The following PSD2 variants were observed in gnomAD, a reference collection of about 807,000 sequenced individuals.
PSD2 encodes pleckstrin and Sec7 domain containing 2, also known as PH and SEC7 domain-containing protein 2.
In PSD2, 38 loss-of-function variants were observed where a neutral mutation model predicts 69.8. That is an observed-to-expected ratio of 0.54 (90% CI 0.42 to 0.71). The LOEUF is 0.71. Ranked by LOEUF, PSD2 falls within the 30% of genes least tolerant of loss-of-function variation. The pLI, the probability that PSD2 is intolerant of heterozygous loss-of-function variation, is 0.00. For missense variants in PSD2, 943 were observed against 1,014.5 expected, an observed-to-expected ratio of 0.93 and a Z score of 0.96; for synonymous variants, 412 against 423.0, an observed-to-expected ratio of 0.97 and a Z score of 0.32.
rs751266842 is a variant in PSD2 at position 139,837,903 on chromosome 5, C to T, written c.1823+121C>T. The T allele has an allele frequency of 3.3e-5, 31 of 952,284 alleles. No individual in the cohort carries two copies. Among genetic ancestry groups the T allele is most frequent in the Non-Finnish European group, 4.2e-5 (27 of 649,264 alleles). The allele number at this position is 952,284 out of a possible 1,614,324, so 59.0% of individuals were successfully genotyped here. A position where few individuals can be genotyped will look rare whatever the true frequency, so the allele number is the denominator to read the frequency against. ...GCATGTGTATCCACATGACACAGAC[C>T]GACAGCTGGGTCCCTCCAAAGCAGT... On this transcript the variant is annotated intron_variant, in intron 12 of 14. Coordinates refer to ENST00000274710, the MANE Select transcript of PSD2 (RefSeq NM_032289.4). The surrounding 1 kb of genome is among the most constrained non-coding windows in gnomAD (Gnocchi z 5.0).
At chr5:139,760,702 T>A in the PSD2 span, among the ~76,000 whole-genome samples, 1 of 151,894 alleles carries the variant, frequency 6.6e-6, no homozygotes, top group African/African-American at 2.4e-5. Flanking sequence ...TAGTGGCAAA[T>A]GGGGTATAAT....
the PSD2 span, among the ~76,000 whole-genome samples, chr5:139,756,716 G>C: frequency 1.3e-5 from 2 of 152,146 alleles, no homozygotes; most frequent in African/African-American, 4.8e-5. Context: ...AGCAATGGAG[G>C]GGCTTGAGAG....
intron 7 of PSD2, among the ~76,000 whole-genome samples, chr5:139,827,411 A>G (rs968267619): frequency 2.6e-5 from 4 of 152,268 alleles, no homozygotes; most frequent in African/African-American, 9.6e-5. Flanking sequence ...ATACAGGTAC[A>G]GTATAGGAAA....
In PSD2 at chr5:139,837,037, G is replaced by T. The variant is rs768035188; in HGVS notation, c.1594+36G>T. The T allele has an allele frequency of 6.2e-7, 1 of 1,602,874 alleles. No homozygotes were observed. Among genetic ancestry groups the T allele is most frequent in the Non-Finnish European group, 8.5e-7 (1 of 1,172,366 alleles). ...GGCTGGGAGAGGGGCATGGGAGGGA[G>T]GCTGGCACAGAGGGGGGCGCCACGG... On this transcript the variant is annotated intron_variant, in intron 10 of 14. Coordinates refer to ENST00000274710, the MANE Select transcript of PSD2 (RefSeq NM_032289.4). This position sits in a 1 kb window ranked among gnomAD's most constrained non-coding sequence, Gnocchi z 5.0.
intron 7 of PSD2, among the ~76,000 whole-genome samples, chr5:139,827,464 T>C (rs1760455073): frequency 6.6e-6 from 1 of 152,226 alleles, no homozygotes; most frequent in East Asian, 1.9e-4. Flanking sequence ...TAGGCACATA[T>C]GACAGAAGCA....
chr5:139,835,868 T>G (rs1191661822), intron 9 of PSD2, 102 bp downstream of exon 9: 2 of 1,112,210 alleles, frequency 1.8e-6, no homozygotes, highest in Non-Finnish European at 2.7e-6. Context: ...ATGGTGCTGA[T>G]CCCTCCCAAT....
chr5:139,799,309 G>T (rs903929090), intron 1 of PSD2, among the ~76,000 whole-genome samples: 19 of 152,300 alleles, frequency 1.2e-4, no homozygotes, highest in African/African-American at 4.3e-4. Flanking sequence ...CCAGATGCTG[G>T]AGAATAGAGA....
At chr5:139,774,313 G>A in the PSD2 span, among the ~76,000 whole-genome samples, 2 of 152,158 alleles carry the variant, frequency 1.3e-5, no homozygotes, top group Non-Finnish European at 2.9e-5. Context: ...CTGGGATAAG[G>A]AGTGGAGGTT....
chr5:139,829,937 T>A (rs1760530537), intron 7 of PSD2, among the ~76,000 whole-genome samples: 1 of 152,098 alleles, frequency 6.6e-6, no homozygotes, highest in Non-Finnish European at 1.5e-5. Flanking sequence ...CTGAACCATT[T>A]TACATTTCCA....
chr5:139,830,592 T>TTTTCTTTCTTTCTTTCTC (rs1225921985), intron 7 of PSD2, among the ~76,000 whole-genome samples: 1 of 85,980 alleles, frequency 1.2e-5, no homozygotes, highest in Non-Finnish European at 2.3e-5. Flanking sequence ...CTTTCTTTCT[T>TTTTCTTTCTTTCTTTCTC]TTTCTTTCTT....
chr5:139,842,376 G>C lies in PSD2; in HGVS notation c.2218G>C (p.Asp740His). 6.2e-7 allele frequency: 1 copy of C among 1,614,172 alleles called. No individual in the cohort carries two copies. Among genetic ancestry groups the C allele is most frequent in the Non-Finnish European group, 8.5e-7 (1 of 1,180,000 alleles). The change falls in exon 15 of 15, where the codon GAC becomes CAC. Residue 740 changes from aspartate to histidine, a missense_variant. By Grantham distance (81) the Asp-to-His change is moderately conservative. Transcript: ENST00000274710. ...EARLATLEGD[D>H]PSLRKTHSSP... ...CCGGCTGGCCACTCTGGAAGGGGAT[G>C]ACCCTTCTCTCCGGAAGACACATTC...
At chr5:139,757,777 G>C in the PSD2 span, among the ~76,000 whole-genome samples, 2 of 152,170 alleles carry the variant, frequency 1.3e-5, no homozygotes, top group African/African-American at 2.4e-5. Flanking sequence ...TTTCACCTCT[G>C]TCCTCTCCCC....
In PSD2 at chr5:139,814,150, C is replaced by T; in HGVS notation, c.822-20C>T. 1 of 1,609,116 alleles carries T rather than the reference C, an allele frequency of 6.2e-7. No individual in the cohort carries two copies. Among genetic ancestry groups the T allele is most frequent in the Non-Finnish European group, 8.5e-7 (1 of 1,178,218 alleles). On this transcript the variant is annotated intron_variant, in intron 3 of 14. Transcript: ENST00000274710. The surrounding 1 kb of genome is among the most constrained non-coding windows in gnomAD (Gnocchi z 4.4). ...CCCTGGGCCTCTGACGCTACTCTTC[C>T]ACCCACCTTCCATCTGCAGTGACCC... is the stretch of plus-strand genomic sequence containing the variant.
At chr5:139,746,746 C>CCCA in the PSD2 span, among the ~76,000 whole-genome samples, 1 of 152,210 alleles carries the variant, frequency 6.6e-6, no homozygotes, top group Admixed American at 6.5e-5. This position sits in a 1 kb window ranked among gnomAD's most constrained non-coding sequence, Gnocchi z 4.5. Context: ...CCCCCTGACC[C>CCCA]CCACGGCTCC....
chr5:139,759,412 C>T, the PSD2 span, among the ~76,000 whole-genome samples: 2 of 152,066 alleles, frequency 1.3e-5, no homozygotes, highest in Non-Finnish European at 2.9e-5. Context: ...TGCCCCCGAT[C>T]GCGGTCACCC....
chr5:139,812,607 G>A (rs144609281), intron 2 of PSD2, among the ~76,000 whole-genome samples: 66 of 152,326 alleles, frequency 4.3e-4, no homozygotes, highest in African/African-American at 1.6e-3. Flanking sequence ...GAAGGTCTGA[G>A]GAGTAAATGA....
the PSD2 span, among the ~76,000 whole-genome samples, chr5:139,769,463 C>T: frequency 1.3e-5 from 2 of 152,162 alleles, no homozygotes; most frequent in African/African-American, 2.4e-5. Flanking sequence ...TCTCCCAGCT[C>T]CTCTGTGGGG....
the PSD2 span, among the ~76,000 whole-genome samples, chr5:139,766,921 C>CT: frequency 2.4e-3 from 77 of 31,438 alleles, 4 homozygotes; most frequent in African/African-American, 6.6e-3. Flanking sequence ...TCCTTCCTTC[C>CT]TTCCTTCCCT....
rs1760814522 is a variant in PSD2, at chr5:139,839,338, C to T, written c.1968+566C>T. ...CTAGGCCTTGTCCCGGGTCACCCCACTGAGCTCCTGGGCTCCTGCTTCTGC... is the reference window on the plus strand; with the variant it reads ...CTAGGCCTTGTCCCGGGTCACCCCATTGAGCTCCTGGGCTCCTGCTTCTGC... On this transcript the variant is annotated intron_variant, in intron 13 of 14. Coordinates refer to ENST00000274710, the MANE Select transcript of PSD2 (RefSeq NM_032289.4). This position sits in a 1 kb window ranked among gnomAD's most constrained non-coding sequence, Gnocchi z 5.1. Among the ~76,000 whole-genome samples the T allele has an allele frequency of 6.6e-6, 1 of 152,274 alleles. No individual in the cohort carries two copies. The highest frequency in any genetic ancestry group is 2.4e-5 in the African/African-American group (1 of 41,470).
Sources: gnomAD v4.1 joint callset for allele counts (sites outside exome capture counted in the v4.1 genomes callset) on GRCh38, gnomAD v4.1.1 for gene constraint, Gnocchi (gnomAD v3.1) non-coding constraint, MANE v1.5 for transcripts, NCBI Gene and HGNC (gene_info 2026-07-23, HGNC 2026-07-21) for gene names.